WRN: variants seen among roughly 807,000 people sequenced by gnomAD.
WRN encodes bifunctional 3'-5' exonuclease/ATP-dependent helicase WRN.
WRN carries 149 observed loss-of-function variants against 180.7 expected under a neutral mutation model. The ratio of observed to expected loss-of-function variants is 0.82; its 90% CI spans 0.72 to 0.94. The LOEUF (loss-of-function observed/expected upper bound fraction) is 0.94, where lower values mean the gene tolerates loss of function less well. Ranked by LOEUF, WRN falls within the 40% of genes least tolerant of loss-of-function variation. WRN has a pLI of 0.00. For missense variants in WRN, 1,661 were observed against 1,700.1 expected (o/e 0.98, Z 0.40); for synonymous variants, 548 against 568.9 (o/e 0.96, Z 0.52).
rs144554370 is a variant in WRN, at chr8:31,063,674, A to G, written c.210-615A>G. On this transcript the variant is annotated intron_variant, in intron 3 of 34. Coordinates refer to ENST00000298139, the MANE Select transcript of WRN (RefSeq NM_000553.6). The stretch of plus-strand genomic sequence containing the variant: ...CTTAGTTTGCATTTCTTTGACTTCT[A>G]GTGAGAAGTAGTGTCTTCACATATT... 7.4e-3 allele frequency among the ~76,000 whole-genome samples: 1,127 copies of G among 152,332 alleles called. 7 individuals are homozygous for G. The highest frequency in any genetic ancestry group is 0.023 in the South Asian group (109 of 4,826).
intron 1 of WRN, among the ~76,000 whole-genome samples, chr8:31,047,474 C>T (rs1480403257): frequency 2.6e-5 from 4 of 152,104 alleles, no homozygotes; most frequent in Admixed American, 6.5e-5. Context: ...AATTGGATTA[C>T]CTTTAGACCA....
intron 21 of WRN, among the ~76,000 whole-genome samples, chr8:31,120,768 C>T (rs1801695099): frequency 1.3e-5 from 2 of 152,072 alleles, no homozygotes; most frequent in African/African-American, 4.8e-5. Flanking sequence ...TCCTCAGATC[C>T]TGTCAAGTTG....
At chr8:31,149,467 T>TG in intron 30 of WRN, among the ~76,000 whole-genome samples, 1 of 48,552 alleles carries the variant, frequency 2.1e-5, no homozygotes, top group African/African-American at 7.8e-5. Flanking sequence ...TTTTTTTTTT[T>TG]TTTTTTTTTT....
chr8:31,048,382 C>G (rs1811949872), intron 1 of WRN, among the ~76,000 whole-genome samples: 1 of 152,152 alleles, frequency 6.6e-6, no homozygotes, highest in Non-Finnish European at 1.5e-5. Flanking sequence ...TCTACCCCTT[C>G]TTATTCTTTT....
chr8:31,127,280 C>T (rs1398059394), intron 23 of WRN, among the ~76,000 whole-genome samples: 5 of 152,048 alleles, frequency 3.3e-5, no homozygotes, highest in African/African-American at 1.2e-4. Flanking sequence ...GGTATGATTC[C>T]AAAGGATAGT....
intron 21 of WRN, among the ~76,000 whole-genome samples, chr8:31,123,090 G>A (rs1359785952): frequency 6.6e-6 from 1 of 151,842 alleles, no homozygotes; most frequent in Non-Finnish European, 1.5e-5. Context: ...TAAATCAGTG[G>A]TGGCTTTGAG....
chr8:31,049,603 C>G (rs1275605907), intron 1 of WRN, among the ~76,000 whole-genome samples: 1 of 151,624 alleles, frequency 6.6e-6, no homozygotes, highest in Non-Finnish European at 1.5e-5. Flanking sequence ...ATAAATGAAT[C>G]CATTTTCTCT....
chr8:31,113,859 T>C (rs1017916654), intron 19 of WRN, among the ~76,000 whole-genome samples: 4 of 152,220 alleles, frequency 2.6e-5, no homozygotes, highest in African/African-American at 4.8e-5. Flanking sequence ...TGTTGCTTTC[T>C]ATGCAGTTTA....
At chr8:31,105,511 G>A (rs946932310) in intron 18 of WRN, among the ~76,000 whole-genome samples, 5 of 152,034 alleles carry the variant, frequency 3.3e-5, no homozygotes, top group African/African-American at 9.7e-5. Flanking sequence ...GCCCAGGCTG[G>A]AGTGCAATGG....
At chr8:31,065,608 A>G (rs1812666922) in intron 5 of WRN, among the ~76,000 whole-genome samples, 1 of 151,676 alleles carries the variant, frequency 6.6e-6, no homozygotes, top group Non-Finnish European at 1.5e-5. Context: ...CATGGTGTAT[A>G]TGTACCACAT....
Position 31,142,672 on chromosome 8 carries a change from G to A in WRN, c.3280G>A (p.Val1094Ile), listed in dbSNP as rs1177192583. The change falls in exon 27 of 35, where the codon GTA becomes ATA. Residue 1094 changes from valine (V) to isoleucine (I), a missense_variant. Coordinates refer to ENST00000298139, the MANE Select transcript of WRN (RefSeq NM_000553.6). ...SGTKEHCYNQ[V>I]PVELSTEKKS... ...CACCAAAGAGCATTGTTATAATCAA[G>A]TACCAGTTGAATTAAGTACAGAGAA... 4.4e-6 allele frequency: 7 copies of A among 1,605,138 alleles called. No individual in the cohort carries two copies. The highest frequency in any genetic ancestry group is 6.0e-6 in the Non-Finnish European group (7 of 1,175,824).
intron 33 of WRN, among the ~76,000 whole-genome samples, chr8:31,160,198 C>G (rs994848828): frequency 6.6e-6 from 1 of 152,212 alleles, no homozygotes; most frequent in African/African-American, 2.4e-5. Context: ...CTGATGATAA[C>G]TTCCCGTGCA....
At chr8:31,118,296 A>G (rs1362293432) in intron 20 of WRN, among the ~76,000 whole-genome samples, 4 of 152,152 alleles carry the variant, frequency 2.6e-5, no homozygotes, top group Admixed American at 2.6e-4. Context: ...ACAAATTTTT[A>G]TCCACATTAC....
chr8:31,053,619 T>C (rs935126452), intron 1 of WRN, among the ~76,000 whole-genome samples: 5 of 152,244 alleles, frequency 3.3e-5, no homozygotes, highest in Non-Finnish European at 7.3e-5. Flanking sequence ...CAAAAAGTGG[T>C]ATCCTTAACT....
intron 31 of WRN, 53 bp downstream of exon 31, chr8:31,150,508 C>A: frequency 6.6e-7 from 1 of 1,525,676 alleles, no homozygotes; most frequent in Non-Finnish European, 9.1e-7. Context: ...TTTTTGTAAC[C>A]ATTTCAAAAG....
At chr8:31,048,213 T>G (rs1811943233) in intron 1 of WRN, among the ~76,000 whole-genome samples, 1 of 152,198 alleles carries the variant, frequency 6.6e-6, no homozygotes, top group South Asian at 2.1e-4. Context: ...GAATGGGTAG[T>G]TTTATTTAGC....
intron 31 of WRN, among the ~76,000 whole-genome samples, chr8:31,152,329 T>C (rs1021537163): frequency 4.8e-5 from 7 of 145,198 alleles, no homozygotes; most frequent in African/African-American, 1.8e-4. Context: ...AGACTCCATC[T>C]CAAAAAAAAA....
At chr8:31,119,603 T>C (rs1008263103) in intron 20 of WRN, among the ~76,000 whole-genome samples, 2 of 152,002 alleles carry the variant, frequency 1.3e-5, no homozygotes, top group Admixed American at 1.3e-4. Context: ...TAATTATTAC[T>C]CTGTAAATGC....
At chr8:31,119,104 T>A (rs1466655535) in intron 20 of WRN, among the ~76,000 whole-genome samples, 1 of 152,008 alleles carries the variant, frequency 6.6e-6, no homozygotes, top group East Asian at 1.9e-4. Context: ...TTCATTCCTA[T>A]ATTTACTTTT....
Sources: allele counts gnomAD v4.1 joint callset (sites outside exome capture counted in the v4.1 genomes callset), GRCh38; gene constraint gnomAD v4.1.1; transcripts MANE v1.5; gene names NCBI Gene and HGNC (gene_info 2026-07-23, HGNC 2026-07-21).